The following FYB2 variants were observed in gnomAD, a reference collection of about 807,000 sequenced individuals.
FYB2 encodes FYN-binding protein 2.
A neutral mutation model predicts 94.1 loss-of-function variants in FYB2; 103 were observed. The ratio of observed to expected loss-of-function variants is 1.09; its 90% CI spans 0.93 to 1.29. The LOEUF (loss-of-function observed/expected upper bound fraction) is 1.29. Among genes scored for constraint, FYB2 ranks in the 50% most tolerant of loss-of-function variants. The pLI, the probability that FYB2 is intolerant of heterozygous loss-of-function variation, is 0.00. For synonymous variants in FYB2, 293 were observed against 287.9 expected, an observed-to-expected ratio of 1.02 and a Z score of -0.18; for missense variants, 896 against 841.5, an observed-to-expected ratio of 1.06 and a Z score of -0.80.
intron 2 of FYB2, among the ~76,000 whole-genome samples, chr1:56,791,733 G>A (rs1388009908): frequency 6.6e-6 from 1 of 152,122 alleles, no homozygotes; most frequent in East Asian, 1.9e-4. Context: ...CAGATGATTG[G>A]TGACAGATTT....
At chr1:56,819,409 C>T, upstream of FYB2, 1 of 1,407,656 alleles carries the variant, frequency 7.1e-7, no homozygotes, top group Non-Finnish European at 9.9e-7. Context: ...TCCCACAGGA[C>T]ACACCTGAGC....
chr1:56,726,309 CTT>C (rs1390360390), intron 16 of FYB2, among the ~76,000 whole-genome samples, 186 bp downstream of exon 16: 2 of 152,052 alleles, frequency 1.3e-5, no homozygotes, highest in African/African-American at 2.4e-5. Context: ...GGGTATGACA[CTT>C]AATATTTTTA....
chr1:56,774,707 T>C (rs2100855362), intron 4 of FYB2, among the ~76,000 whole-genome samples: 1 of 152,254 alleles, frequency 6.6e-6, no homozygotes, highest in South Asian at 2.1e-4. Flanking sequence ...ATGCAAAGTA[T>C]TGTGCCAGGG....
At position 56,792,534 on chromosome 1, in the gene FYB2, G is replaced by A. The variant is rs1646295510; in HGVS notation, c.279C>T (p.Ser93=). The change falls in exon 2 of 20, where the codon TCC becomes TCT. Residue 93 remains serine, a synonymous_variant. Coordinates refer to ENST00000343433, the MANE Select transcript of FYB2 (RefSeq NM_001004303.5). ...QKSEIPKCSN[S]PGPLGKSTVC... ...CAGTAGACTTTCCCAGAGGCCCTGG[G>A]GAGTTAGAACATTTTGGAATTTCAC... 6.2e-7 allele frequency: 1 copy of A among 1,614,160 alleles called. No homozygotes were observed. Among genetic ancestry groups the A allele is most frequent in the South Asian group, 1.1e-5 (1 of 91,084 alleles).
Position 56,737,155 on chromosome 1 carries a change from C to A in FYB2, c.1733-8G>T. The stretch of plus-strand genomic sequence containing the variant: ...CTTCCTGAGACTTAAGTTCTAGGGT[C>A]AAGACAGAATCAAAATAGTCCATTA... On this transcript the variant is annotated splice_polypyrimidine_tract_variant and splice_region_variant and intron_variant, in intron 14 of 19. Transcript: ENST00000343433. 1 of 1,595,228 alleles carries A rather than the reference C, an allele frequency of 6.3e-7. No homozygotes were observed. The highest frequency in any genetic ancestry group is 8.6e-7 in the Non-Finnish European group (1 of 1,167,410).
At chr1:56,763,511 T>TA (rs1379888901) in intron 5 of FYB2, among the ~76,000 whole-genome samples, 2 of 152,176 alleles carry the variant, frequency 1.3e-5, no homozygotes, top group Non-Finnish European at 2.9e-5. Context: ...TTCCTTTTTT[T>TA]ATCTAAGTTG....
At chr1:56,808,085 T>G (rs1333840593) in intron 1 of FYB2, among the ~76,000 whole-genome samples, 2 of 152,196 alleles carry the variant, frequency 1.3e-5, no homozygotes, top group Non-Finnish European at 2.9e-5. Context: ...ATTCCAATAC[T>G]CAAGATTGTT....
At chr1:56,781,284 T>C (rs771517812) in intron 4 of FYB2, among the ~76,000 whole-genome samples, 3 of 152,216 alleles carry the variant, frequency 2.0e-5, no homozygotes, top group Non-Finnish European at 2.9e-5. Context: ...TCACCTGTGT[T>C]AATATCAACA....
chr1:56,805,666 T>C (rs753818047), intron 1 of FYB2, among the ~76,000 whole-genome samples: 9 of 152,174 alleles, frequency 5.9e-5, no homozygotes, highest in Non-Finnish European at 8.8e-5. Flanking sequence ...TTCCCACATG[T>C]TGTGGGAGGT....
the FYB2 span, among the ~76,000 whole-genome samples, chr1:56,826,355 GC>G: frequency 6.6e-6 from 1 of 152,156 alleles, no homozygotes; most frequent in African/African-American, 2.4e-5. Flanking sequence ...GCCTACAGGG[GC>G]AAGTCCAAAT....
At chr1:56,721,027 T>C (rs182700270) in intron 17 of FYB2, among the ~76,000 whole-genome samples, 3 of 152,256 alleles carry the variant, frequency 2.0e-5, no homozygotes, top group Admixed American at 1.3e-4. Flanking sequence ...TACTACATGT[T>C]ATTTCAAAGT....
intron 4 of FYB2, among the ~76,000 whole-genome samples, chr1:56,786,058 TGAGGA>T (rs1175079426): frequency 6.6e-6 from 1 of 152,142 alleles, no homozygotes; most frequent in Non-Finnish European, 1.5e-5. Flanking sequence ...GCTTGCTGGA[TGAGGA>T]GAGACAGATG....
intron 1 of FYB2, among the ~76,000 whole-genome samples, chr1:56,797,588 C>T (rs562954593): frequency 6.6e-6 from 1 of 152,214 alleles, no homozygotes; most frequent in South Asian, 2.1e-4. Context: ...GAGGGTGTGG[C>T]CGCTCAGGGA....
chr1:56,752,778 C>T (rs1208488807), intron 8 of FYB2, among the ~76,000 whole-genome samples: 3 of 152,102 alleles, frequency 2.0e-5, no homozygotes, highest in Non-Finnish European at 2.9e-5. Context: ...GTAGTTTGAG[C>T]CCATATCTGG....
At chr1:56,779,066 G>C (rs1045513416) in intron 4 of FYB2, among the ~76,000 whole-genome samples, 1 of 152,068 alleles carries the variant, frequency 6.6e-6, no homozygotes, top group Non-Finnish European at 1.5e-5. Flanking sequence ...ATTAGCCAAA[G>C]GCCAGTCCAT....
At chr1:56,746,252 T>C (rs1645064795) in intron 9 of FYB2, among the ~76,000 whole-genome samples, 1 of 152,036 alleles carries the variant, frequency 6.6e-6, no homozygotes, top group African/African-American at 2.4e-5. Flanking sequence ...TTAATATATT[T>C]GAATTTCGAA....
At chr1:56,781,995 C>T (rs1477996216) in intron 4 of FYB2, among the ~76,000 whole-genome samples, 3 of 151,934 alleles carry the variant, frequency 2.0e-5, no homozygotes, top group East Asian at 3.9e-4. Context: ...TTTCTTTGAT[C>T]GATTTATAGT....
chr1:56,735,326 G>A (rs1644806524), intron 15 of FYB2, among the ~76,000 whole-genome samples: 1 of 152,110 alleles, frequency 6.6e-6, no homozygotes. Context: ...GATAGAAGTG[G>A]AGGACATTAT....
At position 56,719,439 on chromosome 1, in the gene FYB2, C is replaced by G. The variant is rs1644443945; in HGVS notation, c.*232G>C. On this transcript the variant is annotated 3_prime_UTR_variant, in exon 20 of 20. Coordinates refer to ENST00000343433, the MANE Select transcript of FYB2 (RefSeq NM_001004303.5). Reference sequence around the variant, plus strand: ...ACTGTTTCACATTCTCTTGAACTGACAGTGAAGTAGATACTGAAATAGACA... The same window carrying G: ...ACTGTTTCACATTCTCTTGAACTGAGAGTGAAGTAGATACTGAAATAGACA... 1 of 468,318 alleles carries G rather than the reference C, an allele frequency of 2.1e-6. No individual in the cohort carries two copies. 29.0% of individuals were successfully genotyped at this position (468,318 alleles called of 1,614,324 possible). A position where few individuals can be genotyped will look rare whatever the true frequency, so the allele number is the denominator to read the frequency against.
Sources: gnomAD v4.1 joint callset for allele counts (sites outside exome capture counted in the v4.1 genomes callset) on GRCh38, gnomAD v4.1.1 for gene constraint, MANE v1.5 for transcripts, NCBI Gene and HGNC (gene_info 2026-07-23, HGNC 2026-07-21) for gene names.